Variants in PHF11 observed in about 807,000 individuals in gnomAD.
PHF11 encodes BRCA1 C-terminus-associated protein.
Under a neutral mutation model 40.5 loss-of-function variants are expected in PHF11, and 38 were observed. The observed-to-expected ratio is 0.94, with a 90% CI of 0.72 to 1.23. PHF11 has a LOEUF of 1.23. Among genes scored for constraint, PHF11 ranks in the 50% most tolerant of loss-of-function variants. The pLI is 0.00. For missense variants in PHF11, 369 were observed against 392.4 expected, an observed-to-expected ratio of 0.94 and a Z score of 0.50; for synonymous variants, 127 against 138.2, an observed-to-expected ratio of 0.92 and a Z score of 0.57.
intron 8 of PHF11, among the ~76,000 whole-genome samples, chr13:49,524,632 G>C (rs928096437): frequency 6.6e-6 from 1 of 151,938 alleles, no homozygotes; most frequent in Non-Finnish European, 1.5e-5. Flanking sequence ...ACGCCACTAC[G>C]CCTGGCTAAT....
At chr13:49,514,464 G>C (rs1959122916) in intron 3 of PHF11, among the ~76,000 whole-genome samples, 1 of 152,102 alleles carries the variant, frequency 6.6e-6, no homozygotes, top group Non-Finnish European at 1.5e-5. Flanking sequence ...AAAATGGACT[G>C]TGTGTGGCCC....
In PHF11 at chr13:49,518,102, A is replaced by G. The variant is rs1959170478; in HGVS notation, c.409A>G (p.Lys137Glu). Residue 137 changes from lysine to glutamate, a missense_variant, in exon 4 of 10, where the codon AAG becomes GAG. By Grantham distance (56) the Lys-to-Glu change is moderately conservative. Transcript: ENST00000378319. Reference sequence around the variant, plus strand: ...CAAGAATTACCACTTTTTCTGTGCCAAGAAGGACGACGCAGTTCCACAGTC... The same window carrying G: ...CAAGAATTACCACTTTTTCTGTGCCGAGAAGGACGACGCAGTTCCACAGTC... ...CNKNYHFFCA[K>E]KDDAVPQSDG... 6.2e-7 allele frequency: 1 copy of G among 1,608,290 alleles called. No individual in the cohort carries two copies. Among genetic ancestry groups the G allele is most frequent in the South Asian group, 1.1e-5 (1 of 90,646 alleles).
intron 2 of PHF11, 147 bp downstream of exon 2, chr13:49,506,903 T>C (rs1206012299): frequency 2.3e-5 from 11 of 474,268 alleles, no homozygotes; most frequent in African/African-American, 8.9e-5. Context: ...CATTTCTTTT[T>C]TTTTTTTTTT....
At chr13:49,501,982 C>T (rs931575857) in intron 1 of PHF11, among the ~76,000 whole-genome samples, 21 of 152,104 alleles carry the variant, frequency 1.4e-4, no homozygotes, top group African/African-American at 3.6e-4. Context: ...TGAGCCACCG[C>T]GCCCGGCCAA....
chr13:49,513,164 T>C lies in PHF11; in HGVS notation c.322T>C (p.Leu108=). ...GAAAGAAATCCAGAGAGGAAGGAAG[T>C]TGGTAAGTGTAAATGATGTTATTTC... ...VKKEIQRGRK[L]KCKFCHKRGA... Residue 108 remains leucine (L), a splice_region_variant and synonymous_variant, in exon 3 of 10, where the codon TTG becomes CTG. Coordinates refer to ENST00000378319, the MANE Select transcript of PHF11 (RefSeq NM_001040443.3). The C allele has an allele frequency of 7.0e-7, 1 of 1,437,486 alleles. No homozygotes were observed. The highest frequency in any genetic ancestry group is 1.4e-5 in the African/African-American group (1 of 71,636). 89.0% of individuals were successfully genotyped at this position (1,437,486 alleles called of 1,614,324 possible). A position where few individuals can be genotyped will look rare whatever the true frequency, so the allele number is the denominator to read the frequency against.
At chr13:49,511,404 G>A (rs140147078) in intron 2 of PHF11, among the ~76,000 whole-genome samples, 1,659 of 143,586 alleles carry the variant, frequency 0.012, 21 homozygotes, top group Admixed American at 0.018. Flanking sequence ...TCGGCTCACT[G>A]CACCCTCCGC....
At chr13:49,501,028 T>C (rs1339740569) in intron 1 of PHF11, among the ~76,000 whole-genome samples, 60 of 144,354 alleles carry the variant, frequency 4.2e-4, no homozygotes, top group Non-Finnish European at 8.3e-4. Flanking sequence ...TTTTTTTTTT[T>C]CTGAAATGGA....
chr13:49,496,216 G>A (rs1958804333), intron 1 of PHF11, 121 bp downstream of exon 1: 3 of 666,258 alleles, frequency 4.5e-6, no homozygotes, highest in Non-Finnish European at 6.3e-6. Flanking sequence ...TCCGGGCCGG[G>A]GCCCTAGACG....
chr13:49,521,489 C>A, intron 5 of PHF11: 3 of 986,274 alleles, frequency 3.0e-6, no homozygotes, highest in Non-Finnish European at 3.6e-6. Context: ...GTCATGCCAA[C>A]TGCATTTTAT....
At chr13:49,513,891 T>C (rs940792935) in intron 3 of PHF11, among the ~76,000 whole-genome samples, 37 of 152,096 alleles carry the variant, frequency 2.4e-4, no homozygotes, top group African/African-American at 8.9e-4. Flanking sequence ...GGTCATAGGG[T>C]GGCCGCAGGC....
chr13:49,512,796 C>T (rs1007156659), intron 2 of PHF11, among the ~76,000 whole-genome samples: 34 of 152,320 alleles, frequency 2.2e-4, no homozygotes, highest in African/African-American at 7.9e-4. Flanking sequence ...CAGACTGACC[C>T]AGCTTGGCAT....
chr13:49,515,412 A>G (rs1959137940), intron 3 of PHF11, among the ~76,000 whole-genome samples: 2 of 150,378 alleles, frequency 1.3e-5, no homozygotes, highest in Non-Finnish European at 3.0e-5. Flanking sequence ...ATCCAATAGC[A>G]TTTCAGAGTA....
chr13:49,503,591 A>G (rs775960435), intron 1 of PHF11, among the ~76,000 whole-genome samples: 6 of 152,226 alleles, frequency 3.9e-5, no homozygotes, highest in Non-Finnish European at 8.8e-5. Context: ...CAGAATACAC[A>G]CTGGACTTCA....
chr13:49,522,065 A>C lies in PHF11; in HGVS notation c.528A>C (p.Arg176Ser). ...AQSAKFSGVK[R>S]KRGRKKPLSG... ...TAGCTAAATTTTCAGGAGTGAAAAG[A>C]AAAAGAGGAAGGAAGAAACCCCTCT... The change falls in exon 6 of 10, where the codon AGA becomes AGC. Residue 176 changes from arginine to serine, a missense_variant. Transcript: ENST00000378319. 2 of 1,551,266 alleles carry C rather than the reference A, an allele frequency of 1.3e-6. No individual in the cohort carries two copies. The highest frequency in any genetic ancestry group is 1.8e-6 in the Non-Finnish European group (2 of 1,124,552).
chr13:49,513,877 T>C (rs150217625), intron 3 of PHF11, among the ~76,000 whole-genome samples: 3,146 of 152,246 alleles, frequency 0.021, 54 homozygotes, highest in South Asian at 0.058. Context: ...GCTGGTCCCA[T>C]TGTGGTCATA....
intron 1 of PHF11, among the ~76,000 whole-genome samples, chr13:49,498,060 A>T (rs1052774002): frequency 1.1e-4 from 17 of 152,212 alleles, no homozygotes; most frequent in Non-Finnish European, 2.4e-4. Context: ...CCTGGAAAAC[A>T]AAACAAAACT....
intron 1 of PHF11, 185 bp downstream of exon 1, chr13:49,496,280 G>C: frequency 1.5e-6 from 1 of 674,384 alleles, no homozygotes; most frequent in East Asian, 3.7e-5. Context: ...GTTGGTGGGG[G>C]AGGGGGCCAG....
intron 1 of PHF11, among the ~76,000 whole-genome samples, chr13:49,501,016 G>T (rs3990357): frequency 0.6 from 44,966 of 75,464 alleles, 11,594 homozygotes; most frequent in East Asian, 0.69. Context: ...TTTTTTTTTT[G>T]GTTTTTTTTT....
At chr13:49,519,722 G>A (rs963894031) in intron 4 of PHF11, among the ~76,000 whole-genome samples, 12 of 152,008 alleles carry the variant, frequency 7.9e-5, no homozygotes, top group Non-Finnish European at 1.6e-4. Context: ...TGGAATGGAT[G>A]GGGACATGGG....
Sources: gnomAD v4.1 joint callset for allele counts (sites outside exome capture counted in the v4.1 genomes callset) on GRCh38, gnomAD v4.1.1 for gene constraint, MANE v1.5 for transcripts, NCBI Gene and HGNC (gene_info 2026-07-23, HGNC 2026-07-21) for gene names.